IGSF21: variants seen among roughly 807,000 people sequenced by gnomAD.
IGSF21 encodes the protein immunoglobulin superfamily member 21.
Under a neutral mutation model 46.8 loss-of-function variants are expected in IGSF21, and 28 were observed. The observed-to-expected ratio is 0.60, with a 90% CI of 0.44 to 0.82. IGSF21 has a LOEUF of 0.82. Among genes scored for constraint, IGSF21 ranks in the 40% least tolerant of loss-of-function variants. The pLI is 0.00. For synonymous variants in IGSF21, 284 were observed against 273.6 expected (o/e 1.04, Z -0.38); for missense variants, 624 against 665.5 (o/e 0.94, Z 0.69).
rs571410280 is a variant in IGSF21, at chr1:18,182,343, A to AT, written c.71-45548dup. ...AGGTGCATGCCACCACATCCGGCTA[A>AT]TTTTTTTGTATTTTTAGTAGAGACA... On this transcript the variant is annotated intron_variant, in intron 1 of 9. Coordinates refer to ENST00000251296, the MANE Select transcript of IGSF21 (RefSeq NM_032880.5). Among the ~76,000 whole-genome samples the AT allele has an allele frequency of 5.0e-4, 76 of 151,904 alleles. 1 individual carries two copies. Among genetic ancestry groups the AT allele is most frequent in the African/African-American group, 1.7e-3 (69 of 41,426 alleles).
chr1:18,270,975 A>G (rs2085037012), intron 2 of IGSF21, among the ~76,000 whole-genome samples: 1 of 152,190 alleles, frequency 6.6e-6, no homozygotes, highest in Admixed American at 6.5e-5. Flanking sequence ...GGCTTCACTT[A>G]GTGGGCCACT....
At chr1:18,190,566 C>A (rs2086945594) in intron 1 of IGSF21, among the ~76,000 whole-genome samples, 1 of 152,188 alleles carries the variant, frequency 6.6e-6, no homozygotes. Context: ...CAACGTGGGG[C>A]CGATAAGCCT....
At chr1:18,174,006 G>T (rs1019911339) in intron 1 of IGSF21, among the ~76,000 whole-genome samples, 2 of 152,120 alleles carry the variant, frequency 1.3e-5, no homozygotes, top group African/African-American at 4.8e-5. Context: ...TGCCCTCCTC[G>T]GCCTCCCAAA....
intron 1 of IGSF21, among the ~76,000 whole-genome samples, chr1:18,166,600 G>A (rs1159308462): frequency 1.3e-5 from 2 of 152,192 alleles, no homozygotes; most frequent in Non-Finnish European, 2.9e-5. Context: ...GGTTCAGTAT[G>A]CTGCAACCAT....
rs185394388 is a variant in IGSF21 at position 18,290,331 on chromosome 1, G to T, written c.184-1535G>T. Among the ~76,000 whole-genome samples the T allele has an allele frequency of 6.6e-6, 1 of 152,166 alleles. No individual in the cohort carries two copies. Among genetic ancestry groups the T allele is most frequent in the Non-Finnish European group, 1.5e-5 (1 of 68,042 alleles). ...AGCCCTCAGAGGGGAAGAAAGTGAC[G>T]CGTGTACATGTCGCTAAGTCCCGAC... On this transcript the variant is annotated intron_variant, in intron 2 of 9. Transcript: ENST00000251296. This position sits in a 1 kb window ranked among gnomAD's most constrained non-coding sequence, Gnocchi z 4.2.
intron 1 of IGSF21, among the ~76,000 whole-genome samples, chr1:18,147,488 C>A (rs2086481102): frequency 6.6e-6 from 1 of 152,110 alleles, no homozygotes; most frequent in African/African-American, 2.4e-5. Flanking sequence ...ATAAAAAGCA[C>A]CGAGAAATAC....
At chr1:18,295,170 G>C (rs1375985538) in intron 3 of IGSF21, among the ~76,000 whole-genome samples, 1 of 152,176 alleles carries the variant, frequency 6.6e-6, no homozygotes. Context: ...GCCCCCAGGG[G>C]GTGCAGGTGT....
At chr1:18,298,969 T>C (rs1300075316) in intron 3 of IGSF21, among the ~76,000 whole-genome samples, 1 of 152,102 alleles carries the variant, frequency 6.6e-6, no homozygotes, top group Non-Finnish European at 1.5e-5. Context: ...AAAGGGGAGA[T>C]AAAACACGAG....
chr1:18,237,613 C>T (rs1334530283), intron 2 of IGSF21, among the ~76,000 whole-genome samples: 2 of 152,158 alleles, frequency 1.3e-5, no homozygotes, highest in African/African-American at 2.4e-5. Flanking sequence ...CCTTCTGACC[C>T]CTCTCACCAA....
chr1:18,251,446 T>C (rs1242587214), intron 2 of IGSF21, among the ~76,000 whole-genome samples: 3 of 152,214 alleles, frequency 2.0e-5, no homozygotes, highest in Non-Finnish European at 4.4e-5. Context: ...AGAGCTACTC[T>C]CTTCCATGAA....
At chr1:18,189,698 C>T (rs2086936770) in intron 1 of IGSF21, among the ~76,000 whole-genome samples, 2 of 151,988 alleles carry the variant, frequency 1.3e-5, no homozygotes, top group South Asian at 4.1e-4. Flanking sequence ...GTCCGTGCTC[C>T]TATGAGAATC....
chr1:18,271,001 G>A (rs1307264416), intron 2 of IGSF21, among the ~76,000 whole-genome samples: 1 of 152,216 alleles, frequency 6.6e-6, no homozygotes, highest in Non-Finnish European at 1.5e-5. Flanking sequence ...ATGGAAGAAA[G>A]CAGGGATGGC....
Position 18,192,132 on chromosome 1 carries a change from G to T in IGSF21, c.71-35766G>T, listed in dbSNP as rs2086963855. On this transcript the variant is annotated intron_variant, in intron 1 of 9. Transcript: ENST00000251296. ...CAAGCCTGGGTGGACTCTTGGCGCT[G>T]CATTTACCACGTAAGCATCCTGAGC... is the stretch of plus-strand genomic sequence containing the variant. Among the ~76,000 whole-genome samples the T allele has an allele frequency of 2.0e-5, 3 of 152,220 alleles. No individual in the cohort carries two copies. The South Asian group carries it at 6.2e-4, about 32-fold the overall frequency.
intron 3 of IGSF21, among the ~76,000 whole-genome samples, chr1:18,299,890 C>T (rs553103633): frequency 1.2e-4 from 18 of 152,242 alleles, no homozygotes; most frequent in Admixed American, 4.6e-4. Flanking sequence ...TTGCAGGTCT[C>T]CTCCCAGCCA....
intron 1 of IGSF21, among the ~76,000 whole-genome samples, chr1:18,164,696 G>T (rs1027984705): frequency 6.6e-6 from 1 of 151,446 alleles, no homozygotes; most frequent in African/African-American, 2.4e-5. Flanking sequence ...CATACTTTTT[G>T]CCCATATTTG....
chr1:18,312,642 A>G (rs934398419), intron 3 of IGSF21, among the ~76,000 whole-genome samples: 1 of 152,086 alleles, frequency 6.6e-6, no homozygotes, highest in African/African-American at 2.4e-5. Context: ...TGCCATCATC[A>G]CATCCCCTCC....
At chr1:18,174,647 G>C (rs1287386871) in intron 1 of IGSF21, among the ~76,000 whole-genome samples, 3 of 152,158 alleles carry the variant, frequency 2.0e-5, no homozygotes, top group Non-Finnish European at 4.4e-5. Flanking sequence ...GCCTGGCAGG[G>C]CAGTTTTGCC....
chr1:18,376,470 C>T, intron 7 of IGSF21, 75 bp downstream of exon 7: 1 of 1,058,582 alleles, frequency 9.4e-7, no homozygotes. Flanking sequence ...GCATTCCTGG[C>T]AGTCCTCTCT....
intron 2 of IGSF21, among the ~76,000 whole-genome samples, chr1:18,280,256 T>C (rs959809452): frequency 2.6e-5 from 4 of 152,082 alleles, no homozygotes; most frequent in African/African-American, 7.2e-5. Context: ...CCTGCCCTGT[T>C]GACTGGTGGG....
Sources: allele counts gnomAD v4.1 joint callset (sites outside exome capture counted in the v4.1 genomes callset), GRCh38; gene constraint gnomAD v4.1.1; non-coding constraint Gnocchi (gnomAD v3.1); transcripts MANE v1.5; gene names NCBI Gene and HGNC (gene_info 2026-07-23, HGNC 2026-07-21).